CLCN2: variants seen among roughly 807,000 people sequenced by gnomAD.
CLCN2 encodes the protein chloride voltage-gated channel 2.
A neutral mutation model predicts 108.3 loss-of-function variants in CLCN2; 72 were observed. The ratio of observed to expected loss-of-function variants is 0.66; its 90% CI spans 0.55 to 0.81. The LOEUF is 0.81. Ranked by LOEUF, CLCN2 falls within the 30% of genes least tolerant of loss-of-function variation. The pLI, the probability that CLCN2 is intolerant of heterozygous loss-of-function variation, is 0.00. For synonymous variants in CLCN2, 471 were observed against 467.1 expected, an observed-to-expected ratio of 1.01 and a Z score of -0.11; for missense variants, 1,048 against 1,205.2, an observed-to-expected ratio of 0.87 and a Z score of 1.93.
chr3:184,353,218 A>G (rs1238039182), intron 17 of CLCN2, 32 bp downstream of exon 17: 2 of 1,613,584 alleles, frequency 1.2e-6, no homozygotes, highest in Non-Finnish European at 1.7e-6. Context: ...ACACAATGAC[A>G]TTTAGGAAGC....
At chr3:184,359,829 G>GGCGA (rs1711740429) in intron 1 of CLCN2, among the ~76,000 whole-genome samples, 1 of 152,164 alleles carries the variant, frequency 6.6e-6, no homozygotes. Context: ...AGGATGGCTG[G>GGCGA]GCTGTGACTG....
chr3:184,348,537 A>G (rs1206077654), intron 22 of CLCN2: 1 of 151,658 alleles, frequency 6.6e-6, no homozygotes, highest in Non-Finnish European at 1.5e-5. Context: ...GAATACCTAT[A>G]ACACAGTTGT....
Position 184,355,013 on chromosome 3 carries a change from C to T in CLCN2, c.1327-40G>A. 1 of 1,594,908 alleles carries T rather than the reference C, an allele frequency of 6.3e-7. No individual in the cohort carries two copies. Among genetic ancestry groups the T allele is most frequent in the Non-Finnish European group, 8.6e-7 (1 of 1,163,126 alleles). On this transcript the variant is annotated intron_variant, in intron 12 of 23. Coordinates refer to ENST00000265593, the MANE Select transcript of CLCN2 (RefSeq NM_004366.6). The surrounding 1 kb of genome is among the most constrained non-coding windows in gnomAD (Gnocchi z 6.3). The stretch of plus-strand genomic sequence containing the variant: ...TGGTTCAAAGGCGAAGAGGCTCCAC[C>T]TGGCCCCAGGCAGCCCACAGCGCCA...
In CLCN2 at chr3:184,357,626, T is replaced by C. The variant is rs546051461; in HGVS notation, c.766A>G (p.Ile256Val). ...VGVGCCFAAP[I>V]GGVLFSIEVT... ...ACCTAGGAGCCCTGCCTACCTCCAA[T>C]AGGTGCCGCGAAGCAGCAGCCCACC... Residue 256 changes from isoleucine to valine, a missense_variant, in exon 7 of 24, where the codon ATT (isoleucine) becomes GTT (valine). Physicochemically the swap from Ile to Val is conservative, Grantham distance 29. Coordinates refer to ENST00000265593, the MANE Select transcript of CLCN2 (RefSeq NM_004366.6). 3.1e-6 allele frequency: 5 copies of C among 1,613,926 alleles called. No homozygotes were observed. Among genetic ancestry groups the C allele is most frequent in the East Asian group, 2.2e-5 (1 of 44,864 alleles).
chr3:184,354,590 T>G lies in CLCN2; in HGVS notation c.1465A>C (p.Ser489Arg). ...CCAGGCACAATCCGGTAGGTGCTGC[T>G]GTCCGTATGAATTCCATCTGGGAAC... is the stretch of plus-strand genomic sequence containing the variant. ...AWFPDGIHTD[S>R]STYRIVPGGY... Residue 489 changes from serine (S) to arginine (R), a missense_variant, in exon 14 of 24, where the codon AGC becomes CGC. Coordinates refer to ENST00000265593, the MANE Select transcript of CLCN2 (RefSeq NM_004366.6). 1 of 1,611,552 alleles carries G rather than the reference T, an allele frequency of 6.2e-7. No homozygotes were observed. The highest frequency in any genetic ancestry group is 8.5e-7 in the Non-Finnish European group (1 of 1,179,302).
chr3:184,355,294 T>C lies in CLCN2; in HGVS notation c.1326+80A>G. On this transcript the variant is annotated intron_variant, in intron 12 of 23. Transcript: ENST00000265593. The surrounding 1 kb of genome is among the most constrained non-coding windows in gnomAD (Gnocchi z 6.3). ...TTTCCCATGGCACTGTGGAGAGGCT[T>C]CGAGGAGTGAGCACTGCGTGGCAGG... 1 of 1,483,278 alleles carries C rather than the reference T, an allele frequency of 6.7e-7. No individual in the cohort carries two copies. The allele number at this position is 1,483,278 out of a possible 1,614,324, so 91.9% of individuals were successfully genotyped here. A position where few individuals can be genotyped will look rare whatever the true frequency, so the allele number is the denominator to read the frequency against.
At chr3:184,351,693 C>T (rs1374252974) in intron 22 of CLCN2, among the ~76,000 whole-genome samples, 1 of 152,220 alleles carries the variant, frequency 6.6e-6, no homozygotes, top group Non-Finnish European at 1.5e-5. Context: ...TGGTGGCCTC[C>T]CGCCTAGCTC....
intron 1 of CLCN2, among the ~76,000 whole-genome samples, chr3:184,360,361 G>A (rs1016654885): frequency 3.3e-5 from 5 of 152,010 alleles, no homozygotes; most frequent in African/African-American, 4.8e-5. Flanking sequence ...GTGTTAAGAG[G>A]CACCATTTCA....
At chr3:184,354,717 AG>A (rs1373414533) in intron 13 of CLCN2, 59 bp from the exon 14 acceptor site, 2 of 1,393,608 alleles carry the variant, frequency 1.4e-6, no homozygotes, top group African/African-American at 2.9e-5. Context: ...AGGGGGCACT[AG>A]GAAGAGAGAG....
intron 22 of CLCN2, chr3:184,348,076 C>T (rs1032561422): frequency 2.0e-5 from 3 of 152,184 alleles, no homozygotes; most frequent in African/African-American, 7.2e-5. Flanking sequence ...ACTCAGAACT[C>T]ACTTAAATTG....
chr3:184,354,637 A>C lies in CLCN2; in HGVS notation c.1418T>G (p.Val473Gly). The C allele has an allele frequency of 7.2e-7, 1 of 1,390,144 alleles. No individual in the cohort carries two copies. Among genetic ancestry groups the C allele is most frequent in the East Asian group, 4.6e-5 (1 of 21,716 alleles). 86.1% of individuals were successfully genotyped at this position (1,390,144 alleles called of 1,614,324 possible). Residue 473 changes from valine to glycine, a missense_variant, in exon 14 of 24, where the codon GTG (valine) becomes GGG (glycine). Physicochemically the swap from Val to Gly is moderately radical, Grantham distance 109 (BLOSUM62 -3). Coordinates refer to ENST00000265593, the MANE Select transcript of CLCN2 (RefSeq NM_004366.6). ...GAACCAGGCAGCCATGCTTTCACCC[A>C]CCAGACGCCCAAATGCTGCTCCTTC... ...FVIGAAFGRL[V>G]GESMAAWFPD...
chr3:184,358,611 T>C (rs1640231700), intron 3 of CLCN2, 71 bp downstream of exon 3: 2 of 1,541,654 alleles, frequency 1.3e-6, no homozygotes, highest in Non-Finnish European at 1.8e-6. Flanking sequence ...CCTTCCTCCA[T>C]GTCTAGACGA....
intron 22 of CLCN2, chr3:184,348,902 A>AC (rs1381919673): frequency 2.0e-5 from 3 of 152,136 alleles, no homozygotes; most frequent in Non-Finnish European, 1.5e-5. Context: ...CCTCACTAAG[A>AC]CTGGGGCTGC....
chr3:184,361,197 C>G lies in CLCN2; in HGVS notation c.63+220G>C, dbSNP rs1712046678. Among the ~76,000 whole-genome samples, 1 of 152,192 alleles carries G rather than the reference C, an allele frequency of 6.6e-6. No individual in the cohort carries two copies. Among genetic ancestry groups the G allele is most frequent in the Non-Finnish European group, 1.5e-5 (1 of 68,032 alleles). ...GGGGAAGGACACCTGAGACAAGTAC[C>G]TGGTGTCCTTGTCCTCTGCAGGCCC... On this transcript the variant is annotated intron_variant, in intron 1 of 23. Transcript: ENST00000265593. This position sits in a 1 kb window ranked among gnomAD's most constrained non-coding sequence, Gnocchi z 6.6.
At chr3:184,354,848 G>A (rs1018007839) in intron 13 of CLCN2, 56 bp downstream of exon 13, 2 of 1,569,148 alleles carry the variant, frequency 1.3e-6, no homozygotes, top group African/African-American at 1.4e-5. Context: ...TGGCTGGGGG[G>A]GTGGCCAGAG....
At position 184,357,312 on chromosome 3, in the gene CLCN2, C is replaced by CAGGG. The variant is rs766868749; in HGVS notation, c.899-47_899-46insCCCT. ...GGGAGGCAGGCCTAGCCTCGTGGGC[C>CAGGG]CCCTACCTGGCACCATCTCGGGCTG... On this transcript the variant is annotated intron_variant, in intron 8 of 23. Transcript: ENST00000265593. The CAGGG allele has an allele frequency of 5.1e-5, 82 of 1,613,970 alleles. No homozygotes were observed. In the African/African-American group the frequency reaches 9.7e-4, roughly 19 times the overall value.
rs1437289396 is a variant in CLCN2 at position 184,353,261 on chromosome 3, C to A, written c.2017G>T (p.Val673Phe). 1 of 1,614,060 alleles carries A rather than the reference C, an allele frequency of 6.2e-7. No individual in the cohort carries two copies. The stretch of plus-strand genomic sequence containing the variant: ...GCTTTTCCCCTCACCTGGAAGCAGA[C>A]AGAAGCCTCAGGGGTAGGGGGACCC... ...QEGPPTPEAS[V>F]CFQVNTEDSA... The change falls in exon 17 of 24, where the codon GTC (valine) becomes TTC (phenylalanine). Residue 673 changes from valine to phenylalanine, a missense_variant. Transcript: ENST00000265593.
intron 15 of CLCN2, 33 bp downstream of exon 15, chr3:184,354,068 C>T (rs777315003): frequency 6.2e-7 from 1 of 1,601,918 alleles, no homozygotes; most frequent in Non-Finnish European, 8.5e-7. Context: ...CTGCCCTTCA[C>T]CCACAGCCCC....
intron 22 of CLCN2, chr3:184,347,311 G>C: frequency 2.1e-6 from 1 of 470,134 alleles, no homozygotes; most frequent in Non-Finnish European, 3.9e-6. Flanking sequence ...GGGGGACGTG[G>C]GACAGAACAA....
Sources: allele counts gnomAD v4.1 joint callset (sites outside exome capture counted in the v4.1 genomes callset), GRCh38; gene constraint gnomAD v4.1.1; non-coding constraint Gnocchi (gnomAD v3.1); transcripts MANE v1.5; gene names NCBI Gene and HGNC (gene_info 2026-07-23, HGNC 2026-07-21).